The following POMZP3 variants were observed in gnomAD, a reference collection of about 807,000 sequenced individuals.
The protein encoded by POMZP3 is POM121 and ZP3 fusion protein.
A neutral mutation model predicts 19.8 loss-of-function variants in POMZP3; 10 were observed. The observed-to-expected ratio is 0.51, with a 90% CI of 0.31 to 0.86. POMZP3 has a LOEUF of 0.86. Among genes scored for constraint, POMZP3 ranks in the 40% least tolerant of loss-of-function variants. POMZP3 has a pLI of 0.04. For synonymous variants in POMZP3, 57 were observed against 85.8 expected (o/e 0.66, Z 1.85); for missense variants, 152 against 228.1 (o/e 0.67, Z 2.15).
chr7:76,614,671 C>G, intron 4 of POMZP3, among the ~76,000 whole-genome samples: 1 of 85,392 alleles, frequency 1.2e-5, no homozygotes, highest in African/African-American at 5.9e-5. Flanking sequence ...ACCAGCCTGA[C>G]CAACATAGTG....
chr7:76,611,470 G>C lies in POMZP3; in HGVS notation c.559C>G (p.Leu187Val). The C allele has an allele frequency of 6.1e-6, 9 of 1,479,688 alleles. 1 individual carries two copies. Among genetic ancestry groups the C allele is most frequent in the Non-Finnish European group, 8.1e-6 (9 of 1,115,230 alleles). The allele number at this position is 1,479,688 out of a possible 1,614,324, so 91.7% of individuals were successfully genotyped here. A position where few individuals can be genotyped will look rare whatever the true frequency, so the allele number is the denominator to read the frequency against. ...VVSQWSTSAS[L>V] The stretch of plus-strand genomic sequence containing the variant: ...ATGACATACCATGCCTGCGGTTACA[G>C]GGAAGCAGACGTGGACCACTGGCTC... Residue 187 changes from leucine to valine, a missense_variant, in exon 6 of 7, where the codon CTG becomes GTG. Transcript: ENST00000310842.
At position 76,611,816 on chromosome 7, in the gene POMZP3, G is replaced by C; in HGVS notation, c.346-3C>G. On this transcript the variant is annotated splice_region_variant and splice_polypyrimidine_tract_variant and intron_variant, in intron 4 of 6. Coordinates refer to ENST00000310842, the MANE Select transcript of POMZP3 (RefSeq NM_012230.5). ...TTCAGGTGGCAGGTGATGTATATCT[G>C]CAAGGAATAACAGCTATTTCCAGGC... The C allele has an allele frequency of 6.4e-7, 1 of 1,570,742 alleles. No homozygotes were observed. The highest frequency in any genetic ancestry group is 8.7e-7 in the Non-Finnish European group (1 of 1,149,908).
chr7:76,611,539 C>T lies in POMZP3; in HGVS notation c.490G>A (p.Asp164Asn), dbSNP rs753912220. 3 of 1,605,184 alleles carry T rather than the reference C, an allele frequency of 1.9e-6. No individual in the cohort carries two copies. In the East Asian group the frequency reaches 6.7e-5, roughly 36 times the overall value. The change falls in exon 6 of 7, where the codon GAC becomes AAC. Residue 164 changes from aspartate to asparagine, a missense_variant. Transcript: ENST00000310842. ...CTGGAATGGCTTGGAGTGCCACAGTCACCTTTGTTACAGCATTGACAGATG... is the reference window on the plus strand; with the variant it reads ...CTGGAATGGCTTGGAGTGCCACAGTTACCTTTGTTACAGCATTGACAGATG... ...ADICQCCNKG[D>N]CGTPSHSRRQ...
chr7:76,610,879 AT>A (rs148974902), intron 6 of POMZP3, among the ~76,000 whole-genome samples: 2,201 of 143,708 alleles, frequency 0.015, 80 homozygotes, highest in African/African-American at 0.047. Context: ...GATTATTATT[AT>A]TTTTTTTTTT....
intron 3 of POMZP3, among the ~76,000 whole-genome samples, chr7:76,623,185 GTTT>G (rs71521144): frequency 1.4e-5 from 2 of 147,488 alleles, no homozygotes; most frequent in South Asian, 2.1e-4. Context: ...ATTGATTGTG[GTTT>G]TTTTTTTTTA....
intron 3 of POMZP3, among the ~76,000 whole-genome samples, chr7:76,624,465 T>TC (rs398111466): frequency 1.3e-5 from 2 of 150,896 alleles, no homozygotes; most frequent in Non-Finnish European, 2.9e-5. Flanking sequence ...TTTTTTTTTT[T>TC]CAGACAGTCT....
At chr7:76,620,664 C>T (rs554391022) in intron 3 of POMZP3, among the ~76,000 whole-genome samples, 36 of 151,924 alleles carry the variant, frequency 2.4e-4, no homozygotes, top group South Asian at 1.0e-3. Context: ...GATGGGGTTA[C>T]GCCATGTTGG....
intron 6 of POMZP3, 119 bp downstream of exon 6, chr7:76,611,335 C>T: frequency 1.7e-6 from 2 of 1,159,500 alleles, no homozygotes; most frequent in South Asian, 1.8e-5. Flanking sequence ...TAGCTGCAGG[C>T]CTAGGTACAA....
intron 4 of POMZP3, among the ~76,000 whole-genome samples, chr7:76,616,102 A>G (rs1353424087): frequency 7.8e-6 from 1 of 127,916 alleles, no homozygotes; most frequent in Non-Finnish European, 1.7e-5. Flanking sequence ...GGCCAAAATG[A>G]TGAAACCCTG....
rs749722037 is a variant in POMZP3 at position 76,625,648 on chromosome 7, G to GGTGA, written c.97_100dup (p.Pro34LeufsTer5). 8 of 1,613,858 alleles carry GGTGA rather than the reference G, an allele frequency of 5.0e-6. No individual in the cohort carries two copies. The South Asian group carries it at 8.8e-5, about 18-fold the overall frequency. ...ACATGGGTCTGGGGCATTACTTGAT[G>GGTGA]GTGAGGACAGTGTTGAGCTGATTAT... On this transcript the variant is annotated frameshift_variant, in exon 3 of 7. Coordinates refer to ENST00000310842, the MANE Select transcript of POMZP3 (RefSeq NM_012230.5). LOFTEE classifies it high-confidence loss of function.
chr7:76,625,417 G>A, intron 3 of POMZP3, 105 bp downstream of exon 3: 2 of 1,567,864 alleles, frequency 1.3e-6, no homozygotes, highest in Non-Finnish European at 1.7e-6. Context: ...GCCTATGAAG[G>A]CTCACAAACT....
intron 6 of POMZP3, 33 bp from the exon 7 acceptor site, chr7:76,610,248 C>G (rs375815869): frequency 1.9e-6 from 3 of 1,613,784 alleles, no homozygotes; most frequent in African/African-American, 2.7e-5. Context: ...CAAGGGTCAT[C>G]TTAGTCCCTA....
chr7:76,619,343 G>A (rs1034135659), intron 3 of POMZP3, among the ~76,000 whole-genome samples: 29 of 152,018 alleles, frequency 1.9e-4, no homozygotes, highest in East Asian at 1.4e-3. Flanking sequence ...AGCCGAGATC[G>A]TGCCATTGCA....
In POMZP3 at chr7:76,625,676, G is replaced by A; in HGVS notation, c.73C>T (p.Gln25Ter). 6.2e-7 allele frequency: 1 copy of A among 1,613,660 alleles called. No homozygotes were observed. The highest frequency in any genetic ancestry group is 8.5e-7 in the Non-Finnish European group (1 of 1,179,782). Reference protein sequence around the residue: ...RRFSRSAIPEQIISSTLSSPS... With the variant: ...RRFSRSAIPE Reference sequence around the variant, plus strand: ...GAGGACAGTGTTGAGCTGATTATCTGCTCTGGTCTATAATGAAAGACAGGA... The same window carrying A: ...GAGGACAGTGTTGAGCTGATTATCTACTCTGGTCTATAATGAAAGACAGGA... The change falls in exon 3 of 7, where the codon CAG (glutamine) becomes TAG (stop). Residue 25 changes from glutamine (Q) to a stop codon, truncating the protein, a stop_gained. Transcript: ENST00000310842. LOFTEE classifies it high-confidence loss of function.
In POMZP3 at chr7:76,618,612, C is replaced by T. The variant is rs372739185; in HGVS notation, c.228-312G>A. On this transcript the variant is annotated intron_variant, in intron 3 of 6. Coordinates refer to ENST00000310842, the MANE Select transcript of POMZP3 (RefSeq NM_012230.5). Reference sequence around the variant, plus strand: ...CTAGCCTGGGTGACAGACTGAGACTCGGTCTGAAAAAAAGAAAAAAAAGGA... The same window carrying T: ...CTAGCCTGGGTGACAGACTGAGACTTGGTCTGAAAAAAAGAAAAAAAAGGA... 1.7e-4 allele frequency: 50 copies of T among 301,708 alleles called. 1 individual carries two copies. Among genetic ancestry groups the T allele is most frequent in the South Asian group, 3.4e-4 (8 of 23,652 alleles). The allele number at this position is 301,708 out of a possible 1,614,324, so 18.7% of individuals were successfully genotyped here. A position where few individuals can be genotyped will look rare whatever the true frequency, so the allele number is the denominator to read the frequency against.
chr7:76,611,930 G>A, intron 4 of POMZP3, 117 bp from the exon 5 acceptor site: 13 of 1,531,140 alleles, frequency 8.5e-6, no homozygotes, highest in Non-Finnish European at 1.1e-5. Flanking sequence ...CGGGTGCGAT[G>A]GCACACACCT....
rs576004777 is a variant in POMZP3, at chr7:76,610,240, A to C, written c.*12-25T>G. Reference sequence around the variant, plus strand: ...ACTGTGAAAGGAGAACACACAACCAAGGGTCATCTTAGTCCCTAACCGGGA... The same window carrying C: ...ACTGTGAAAGGAGAACACACAACCACGGGTCATCTTAGTCCCTAACCGGGA... On this transcript the variant is annotated intron_variant, in intron 6 of 6. Transcript: ENST00000310842. 31 of 1,613,830 alleles carry C rather than the reference A, an allele frequency of 1.9e-5. No individual in the cohort carries two copies. In the African/African-American group the frequency reaches 3.3e-4, roughly 17 times the overall value.
chr7:76,620,727 C>G (rs1042263161), intron 3 of POMZP3, among the ~76,000 whole-genome samples: 119 of 151,912 alleles, frequency 7.8e-4, no homozygotes, highest in African/African-American at 2.7e-3. Flanking sequence ...CTCAGCCTCC[C>G]AAAGTGCAGG....
chr7:76,611,902 T>C, intron 4 of POMZP3, 89 bp from the exon 5 acceptor site: 1 of 1,534,652 alleles, frequency 6.5e-7, no homozygotes, highest in Non-Finnish European at 8.8e-7. Context: ...CTCAACCCTT[T>C]AAAGAGTGAG....
Sources: allele counts gnomAD v4.1 joint callset (sites outside exome capture counted in the v4.1 genomes callset), GRCh38; gene constraint gnomAD v4.1.1; transcripts MANE v1.5; gene names NCBI Gene and HGNC (gene_info 2026-07-23, HGNC 2026-07-21).